Variants in TCF25 observed in about 807,000 individuals in gnomAD.
TCF25 encodes TCF25 ribosome quality control complex subunit, also known as ribosome quality control complex subunit TCF25.
TCF25 carries 41 observed loss-of-function variants against 83.1 expected under a neutral mutation model. The ratio of observed to expected loss-of-function variants is 0.49; its 90% CI spans 0.38 to 0.64. TCF25 has a LOEUF of 0.64. Among genes scored for constraint, TCF25 ranks in the 30% least tolerant of loss-of-function variants. TCF25 has a pLI of 0.00. For missense variants in TCF25, 979 were observed against 914.5 expected, an observed-to-expected ratio of 1.07 and a Z score of -0.91; for synonymous variants, 458 against 365.0, an observed-to-expected ratio of 1.25 and a Z score of -2.90.
At chr16:89,897,940 A>G (rs1347969640) in intron 9 of TCF25, among the ~76,000 whole-genome samples, 2 of 152,134 alleles carry the variant, frequency 1.3e-5, no homozygotes, top group Non-Finnish European at 2.9e-5. Flanking sequence ...CGTCTCTACT[A>G]AAAATACAAA....
chr16:89,905,410 A>G (rs1026255156), intron 14 of TCF25, among the ~76,000 whole-genome samples: 1 of 152,188 alleles, frequency 6.6e-6, no homozygotes, highest in East Asian at 1.9e-4. Flanking sequence ...TCACAGCAGC[A>G]TCTTGGGAGT....
chr16:89,888,643 T>TC (rs2043190809), intron 5 of TCF25, among the ~76,000 whole-genome samples: 1 of 150,516 alleles, frequency 6.6e-6, no homozygotes, highest in Non-Finnish European at 1.5e-5. Flanking sequence ...AATGTGAAGG[T>TC]CAGGTTCTGA....
intron 1 of TCF25, among the ~76,000 whole-genome samples, chr16:89,879,095 G>A (rs2042401317): frequency 6.6e-6 from 1 of 152,122 alleles, no homozygotes; most frequent in African/African-American, 2.4e-5. Context: ...ATGGGCTTCA[G>A]AGCCTGTCAC....
chr16:89,906,353 C>A (rs761531988), intron 15 of TCF25, 69 bp downstream of exon 15: 12 of 1,508,402 alleles, frequency 8.0e-6, no homozygotes, highest in Non-Finnish European at 1.1e-5. Context: ...CTGCTCCGGG[C>A]GGTCCACATG....
chr16:89,883,265 C>G, intron 1 of TCF25, 86 bp from the exon 2 acceptor site: 2 of 1,543,114 alleles, frequency 1.3e-6, no homozygotes, highest in Non-Finnish European at 8.8e-7. Flanking sequence ...CCAACGCAAG[C>G]CCGTTCACAT....
intron 7 of TCF25, among the ~76,000 whole-genome samples, chr16:89,894,453 G>T (rs1183796470): frequency 6.6e-6 from 1 of 152,172 alleles, no homozygotes; most frequent in African/African-American, 2.4e-5. Context: ...AGCCTCCGCA[G>T]AGCTCCCCGT....
At chr16:89,903,637 C>G (rs1291090581) in intron 12 of TCF25, among the ~76,000 whole-genome samples, 2 of 152,144 alleles carry the variant, frequency 1.3e-5, no homozygotes, top group African/African-American at 4.8e-5. Context: ...GAAACCCTGT[C>G]TCTACTAAAC....
At chr16:89,900,858 TC>T in intron 12 of TCF25, 64 bp downstream of exon 12, 2 of 1,439,066 alleles carry the variant, frequency 1.4e-6, no homozygotes, top group South Asian at 1.5e-5. Flanking sequence ...GGGCTGCTCT[TC>T]CTGGTGGTGG....
chr16:89,882,172 A>G (rs755902744), intron 1 of TCF25, among the ~76,000 whole-genome samples: 4 of 152,140 alleles, frequency 2.6e-5, no homozygotes, highest in Non-Finnish European at 5.9e-5. Flanking sequence ...ATTTAATATT[A>G]TACTCCTAAG....
In TCF25 at chr16:89,883,420, G is replaced by A. The variant is rs546735746; in HGVS notation, c.262G>A (p.Ala88Thr). 5.0e-6 allele frequency: 8 copies of A among 1,614,078 alleles called. No individual in the cohort carries two copies. Among genetic ancestry groups the A allele is most frequent in the Middle Eastern group, 3.3e-4 (2 of 6,062 alleles). Residue 88 changes from alanine to threonine, a missense_variant, in exon 2 of 18, where the codon GCT becomes ACT. Transcript: ENST00000263346. ...GERSGCALTD[A>T]VAPGNKGRGQ... Reference sequence around the variant, plus strand: ...GAGGTCTGGCTGTGCGCTCACAGACGCTGTGGCACCAGGGAACAAAGGAAG... The same window carrying A: ...GAGGTCTGGCTGTGCGCTCACAGACACTGTGGCACCAGGGAACAAAGGAAG...
intron 1 of TCF25, 22 bp downstream of exon 1, chr16:89,873,881 G>A (rs1597234661): frequency 9.3e-6 from 14 of 1,507,058 alleles, no homozygotes; most frequent in Non-Finnish European, 1.2e-5. Flanking sequence ...GGCGGCCCGG[G>A]TGGGGGTGGG....
intron 16 of TCF25, 34 bp from the exon 17 acceptor site, chr16:89,910,557 G>C: frequency 6.2e-7 from 1 of 1,610,478 alleles, no homozygotes; most frequent in Non-Finnish European, 8.5e-7. Flanking sequence ...TCTCAGTTCA[G>C]TGTCGTTTCT....
Position 89,873,890 on chromosome 16 carries a change from G to C in TCF25, c.192+31G>C, listed in dbSNP as rs2041943183. The C allele has an allele frequency of 3.3e-6, 5 of 1,497,486 alleles. No homozygotes were observed. The South Asian group carries it at 6.3e-5, about 19-fold the overall frequency. The allele number at this position is 1,497,486 out of a possible 1,614,324, so 92.8% of individuals were successfully genotyped here. ...GAGCGCGGCGGCCCGGGTGGGGGTG[G>C]GGTGGCCCTTGACGTTGTGGGGCGG... On this transcript the variant is annotated intron_variant, in intron 1 of 17. Coordinates refer to ENST00000263346, the MANE Select transcript of TCF25 (RefSeq NM_014972.3).
At chr16:89,910,999 C>G in intron 17 of TCF25, 81 bp from the exon 18 acceptor site, 1 of 1,575,350 alleles carries the variant, frequency 6.3e-7, no homozygotes, top group Non-Finnish European at 8.6e-7. Context: ...ACCTCGGGCT[C>G]CACAGTGCCT....
chr16:89,911,194 G>GAC lies in TCF25; in HGVS notation c.1987_1988insAC (p.Ala663AspfsTer21). ...CAACTTCCACCTCAACGACCTGGAG[G>GAC]CGCCGCACGAGGACGACGCTGAGGG... On this transcript the variant is annotated frameshift_variant, in exon 18 of 18. Coordinates refer to ENST00000263346, the MANE Select transcript of TCF25 (RefSeq NM_014972.3). LOFTEE classifies it high-confidence loss of function. 6.2e-7 allele frequency: 1 copy of GAC among 1,612,504 alleles called. No homozygotes were observed. Among genetic ancestry groups the GAC allele is most frequent in the Non-Finnish European group, 8.5e-7 (1 of 1,179,968 alleles).
chr16:89,897,326 C>T (rs778133952), intron 9 of TCF25, among the ~76,000 whole-genome samples: 4 of 152,246 alleles, frequency 2.6e-5, no homozygotes, highest in African/African-American at 4.8e-5. Context: ...GACTGGCTTC[C>T]GCCAGGCCTT....
chr16:89,907,369 C>A (rs760960053), intron 16 of TCF25, 47 bp downstream of exon 16: 2 of 768,328 alleles, frequency 2.6e-6, no homozygotes, highest in East Asian at 3.8e-5. Flanking sequence ...CACCTCCCTC[C>A]TCCCAGTTCC....
At chr16:89,881,933 T>C (rs2042640602) in intron 1 of TCF25, among the ~76,000 whole-genome samples, 1 of 152,100 alleles carries the variant, frequency 6.6e-6, no homozygotes, top group African/African-American at 2.4e-5. Flanking sequence ...TTTTTTATTT[T>C]CAGTAGAGAC....
intron 5 of TCF25, among the ~76,000 whole-genome samples, chr16:89,888,306 G>C (rs1271181896): frequency 1.3e-5 from 2 of 148,854 alleles, no homozygotes; most frequent in African/African-American, 5.0e-5. Context: ...TAAGATTCTA[G>C]TTTTGTCGTG....
Sources: gnomAD v4.1 joint callset for allele counts (sites outside exome capture counted in the v4.1 genomes callset) on GRCh38, gnomAD v4.1.1 for gene constraint, MANE v1.5 for transcripts, NCBI Gene and HGNC (gene_info 2026-07-23, HGNC 2026-07-21) for gene names.